SLC25A17: variants seen among roughly 807,000 people sequenced by gnomAD.
SLC25A17 encodes the protein peroxisomal membrane protein PMP34.
SLC25A17 carries 26 observed loss-of-function variants against 38.5 expected under a neutral mutation model. That is an observed-to-expected ratio of 0.68 (90% confidence interval 0.50 to 0.94). The LOEUF (loss-of-function observed/expected upper bound fraction) is 0.94, where lower values mean the gene tolerates loss of function less well. Ranked by LOEUF, SLC25A17 falls within the 40% of genes least tolerant of loss-of-function variation. The probability of loss-of-function intolerance (pLI) is 0.00; values close to 1 mark genes in which losing one functional copy is unlikely to be tolerated. For missense variants in SLC25A17, 333 were observed against 372.7 expected, an observed-to-expected ratio of 0.89 and a Z score of 0.88; for synonymous variants, 139 against 136.2, an observed-to-expected ratio of 1.02 and a Z score of -0.14.
At chr22:40,785,152 C>T (rs2057326941) in intron 4 of SLC25A17, among the ~76,000 whole-genome samples, 1 of 152,054 alleles carries the variant, frequency 6.6e-6, no homozygotes, top group African/African-American at 2.4e-5. Context: ...AGGAGGCTGA[C>T]GCAGGTGGAT....
intron 3 of SLC25A17, among the ~76,000 whole-genome samples, chr22:40,793,416 A>C (rs544733316): frequency 3.3e-4 from 50 of 152,324 alleles, no homozygotes; most frequent in Non-Finnish European, 5.3e-4. Flanking sequence ...AGGGAAGAAA[A>C]AAGTAATTGC....
At position 40,814,754 on chromosome 22, in the gene SLC25A17, AATATAT is replaced by A. The variant is rs10527651; in HGVS notation, c.54+4435_54+4440del. On this transcript the variant is annotated intron_variant, in intron 1 of 8. Transcript: ENST00000435456. ...GGATGAGGAAAGGCAGTACGTGCAG[AATATAT>A]ATATATATATATATATATATATATA... Among the ~76,000 whole-genome samples, 180 of 135,198 alleles carry A rather than the reference AATATAT, an allele frequency of 1.3e-3. 2 individuals carry two copies. In the Middle Eastern group the frequency reaches 0.015, roughly 11 times the overall value. 88.7% of individuals were successfully genotyped at this position (135,198 alleles called of 152,430 possible).
rs191791311 is a variant in SLC25A17 at position 40,811,333 on chromosome 22, T to C, written c.54+7862A>G. ...CTCAAACCCCTGGCCTCGAGTGATC[T>C]ACCCGTCTCAGACTCCCGAAGTGCT... On this transcript the variant is annotated intron_variant, in intron 1 of 8. Transcript: ENST00000435456. Among the ~76,000 whole-genome samples, 387 of 152,086 alleles carry C rather than the reference T, an allele frequency of 2.5e-3. 2 individuals carry two copies. The highest frequency in any genetic ancestry group is 4.5e-3 in the Non-Finnish European group (306 of 67,952).
intron 1 of SLC25A17, among the ~76,000 whole-genome samples, chr22:40,814,790 T>TATATA (rs56313372): frequency 1.1e-4 from 13 of 118,928 alleles, no homozygotes; most frequent in South Asian, 2.6e-4. Flanking sequence ...TATATATATA[T>TATATA]TGTTGTTGTT....
chr22:40,794,613 T>A, intron 2 of SLC25A17, 33 bp from the exon 3 acceptor site: 1 of 1,465,906 alleles, frequency 6.8e-7, no homozygotes. Flanking sequence ...TTTATTTTAT[T>A]AATTAAAAAA....
intron 4 of SLC25A17, among the ~76,000 whole-genome samples, chr22:40,781,563 G>A (rs561929704): frequency 6.6e-6 from 1 of 151,998 alleles, no homozygotes; most frequent in African/African-American, 2.4e-5. Flanking sequence ...TTCTTCTCAA[G>A]GACAACCTCA....
chr22:40,814,754 AATATATATATAT>A (rs10527651), intron 1 of SLC25A17, among the ~76,000 whole-genome samples: 4,238 of 135,096 alleles, frequency 0.031, 95 homozygotes, highest in African/African-American at 0.052. Context: ...GTACGTGCAG[AATATATATATAT>A]ATATATATAT....
chr22:40,780,010 C>T (rs1049360126), intron 4 of SLC25A17: 4 of 152,184 alleles, frequency 2.6e-5, no homozygotes, highest in Non-Finnish European at 5.9e-5. Flanking sequence ...AATGAACAAA[C>T]TCAGTAAAAA....
chr22:40,793,215 A>T (rs2057399082), intron 3 of SLC25A17, among the ~76,000 whole-genome samples: 1 of 152,206 alleles, frequency 6.6e-6, no homozygotes, highest in Admixed American at 6.5e-5. Context: ...TAATAAGTAG[A>T]TAAATAAATG....
chr22:40,811,552 C>A (rs542399755), intron 1 of SLC25A17, among the ~76,000 whole-genome samples: 4 of 152,106 alleles, frequency 2.6e-5, no homozygotes, highest in Admixed American at 6.5e-5. Context: ...GCCTCAGACT[C>A]CTGAGTAGCT....
At chr22:40,816,612 T>A (rs1221219794) in intron 1 of SLC25A17, among the ~76,000 whole-genome samples, 7 of 38,480 alleles carry the variant, frequency 1.8e-4, no homozygotes, top group Non-Finnish European at 3.7e-4. Context: ...TTTTATTGTT[T>A]TTTTTTTTTT....
rs5758092 is a variant in SLC25A17, at chr22:40,819,179, A to G, written c.54+16T>C. On this transcript the variant is annotated intron_variant, in intron 1 of 8. Transcript: ENST00000435456. ...TTATAACCCGTTGCGGCCCGGGCGTAAAGACCCCGTCTCACCACGGCTCCG... is the reference window on the plus strand; with the variant it reads ...TTATAACCCGTTGCGGCCCGGGCGTGAAGACCCCGTCTCACCACGGCTCCG... 0.058 allele frequency: 94,068 copies of G among 1,612,586 alleles called. 5,783 individuals are homozygous for G. Among genetic ancestry groups the G allele is most frequent in the African/African-American group, 0.31 (22,873 of 74,734 alleles).
intron 3 of SLC25A17, among the ~76,000 whole-genome samples, chr22:40,793,807 T>C (rs2057404284): frequency 6.6e-6 from 1 of 152,146 alleles, no homozygotes; most frequent in Non-Finnish European, 1.5e-5. Context: ...AGACGGGGTT[T>C]CTCCATGTTG....
intron 1 of SLC25A17, among the ~76,000 whole-genome samples, chr22:40,815,396 C>G (rs1371495776): frequency 6.6e-6 from 1 of 152,128 alleles, no homozygotes. Context: ...CTGAGACCAG[C>G]AGAATGTAGA....
chr22:40,810,927 T>C (rs1480626775), intron 1 of SLC25A17, among the ~76,000 whole-genome samples: 2 of 152,152 alleles, frequency 1.3e-5, no homozygotes, highest in African/African-American at 4.8e-5. Context: ...TTCCCTCTTT[T>C]TTTGTGGTTA....
At chr22:40,801,010 AGG>A (rs1384558597) in intron 1 of SLC25A17, among the ~76,000 whole-genome samples, 3 of 149,544 alleles carry the variant, frequency 2.0e-5, no homozygotes, top group African/African-American at 7.4e-5. Context: ...AAGCTGAGGC[AGG>A]GGAATTGCTT....
In SLC25A17 at chr22:40,777,352, C is replaced by T. The variant is rs372825776; in HGVS notation, c.473G>A (p.Arg158His). The change falls in exon 6 of 9, where the codon CGC (arginine) becomes CAC (histidine). Residue 158 changes from arginine (R) to histidine (H), a missense_variant. Physicochemically the swap from Arg to His is conservative, Grantham distance 29 (BLOSUM62 0). Coordinates refer to ENST00000435456, the MANE Select transcript of SLC25A17 (RefSeq NM_006358.4). The stretch of plus-strand genomic sequence containing the variant: ...CCATAAAGCCGAGATTCCTTCATCG[C>T]GAATGATCTGATGAAAAGCATCTAA... ...GIIDAFHQII[R>H]DEGISALWNG... 2.5e-5 allele frequency: 40 copies of T among 1,613,540 alleles called. No homozygotes were observed. Among genetic ancestry groups the T allele is most frequent in the African/African-American group, 1.6e-4 (12 of 74,846 alleles).
chr22:40,776,906 G>GA (rs946788302), intron 7 of SLC25A17, 134 bp downstream of exon 7: 150 of 786,286 alleles, frequency 1.9e-4, no homozygotes, highest in Non-Finnish European at 2.4e-4. Flanking sequence ...AAAAAGAAAA[G>GA]AAAAAAAACA....
At chr22:40,790,922 C>T (rs903957412) in intron 4 of SLC25A17, among the ~76,000 whole-genome samples, 1 of 152,110 alleles carries the variant, frequency 6.6e-6, no homozygotes, top group Admixed American at 6.6e-5. Flanking sequence ...AAAAACAAGT[C>T]TTTTTCTGTA....
Sources: gnomAD v4.1 joint callset for allele counts (sites outside exome capture counted in the v4.1 genomes callset) on GRCh38, gnomAD v4.1.1 for gene constraint, MANE v1.5 for transcripts, NCBI Gene and HGNC (gene_info 2026-07-23, HGNC 2026-07-21) for gene names.